Variants in NLGN1 observed in about 807,000 individuals in gnomAD.
NLGN1 encodes neuroligin-1.
NLGN1 carries 12 observed loss-of-function variants against 65.5 expected under a neutral mutation model. The ratio of observed to expected loss-of-function variants is 0.18; its 90% confidence interval spans 0.12 to 0.30. The LOEUF (loss-of-function observed/expected upper bound fraction) is 0.30, where lower values mean the gene tolerates loss of function less well. NLGN1 is among the 10% of genes least tolerant of loss of function. The pLI is 1.00. For missense variants in NLGN1, 750 were observed against 1,007.1 expected (o/e 0.74, Z 3.46); for synonymous variants, 350 against 359.5 (o/e 0.97, Z 0.30).
At chr3:174,108,070 GA>G (rs1714342789) in intron 4 of NLGN1, among the ~76,000 whole-genome samples, 1 of 151,948 alleles carries the variant, frequency 6.6e-6, no homozygotes, top group African/African-American at 2.4e-5. Flanking sequence ...GAAGTTTACA[GA>G]TTTTTCTTTC....
chr3:173,925,412 AG>A, intron 4 of NLGN1, among the ~76,000 whole-genome samples: 1 of 152,210 alleles, frequency 6.6e-6, no homozygotes, highest in African/African-American at 2.4e-5. Context: ...AAATAAGAGA[AG>A]AATATACCAC....
intron 4 of NLGN1, among the ~76,000 whole-genome samples, chr3:173,861,667 A>G (rs1432397056): frequency 1.3e-5 from 2 of 151,818 alleles, no homozygotes; most frequent in African/African-American, 2.4e-5. Flanking sequence ...ATGATTACCA[A>G]TAGAACAATT....
intron 4 of NLGN1, chr3:173,910,380 T>C (rs1203218474): frequency 6.6e-6 from 1 of 152,138 alleles, no homozygotes; most frequent in Non-Finnish European, 1.5e-5. Flanking sequence ...AATGAAACTT[T>C]TCCTACAACA....
intron 2 of NLGN1, among the ~76,000 whole-genome samples, chr3:173,440,799 T>C (rs1719028479): frequency 6.6e-6 from 1 of 152,150 alleles, no homozygotes; most frequent in South Asian, 2.1e-4. Context: ...TGACCAGTGG[T>C]TTCAATATAA....
At chr3:173,445,406 A>G (rs1720081263) in intron 2 of NLGN1, among the ~76,000 whole-genome samples, 1 of 152,212 alleles carries the variant, frequency 6.6e-6, no homozygotes, top group Non-Finnish European at 1.5e-5. Flanking sequence ...TTAAAGCTTA[A>G]GTTAATTAAA....
intron 2 of NLGN1, among the ~76,000 whole-genome samples, chr3:173,566,122 C>A (rs1265783260): frequency 2.0e-5 from 3 of 152,098 alleles, no homozygotes; most frequent in African/African-American, 7.2e-5. Context: ...TTTTATACAG[C>A]AGTACGTTAT....
chr3:174,097,675 A>G (rs1373494002), intron 4 of NLGN1, among the ~76,000 whole-genome samples: 1 of 152,188 alleles, frequency 6.6e-6, no homozygotes, highest in Non-Finnish European at 1.5e-5. Context: ...AGCTATGAAG[A>G]AAAACATAAT....
At chr3:174,073,677 T>C (rs907285514) in intron 4 of NLGN1, among the ~76,000 whole-genome samples, 2 of 152,168 alleles carry the variant, frequency 1.3e-5, no homozygotes, top group African/African-American at 2.4e-5. Context: ...AGTTCTAAAT[T>C]CGTGCTAATC....
intron 5 of NLGN1, among the ~76,000 whole-genome samples, chr3:174,277,131 GA>G (rs775039354): frequency 4.6e-5 from 7 of 151,744 alleles, no homozygotes; most frequent in Non-Finnish European, 8.8e-5. Context: ...TCTATCCCTG[GA>G]AAAAGACATC....
intron 4 of NLGN1, among the ~76,000 whole-genome samples, chr3:174,139,156 T>C (rs1721818863): frequency 6.6e-6 from 1 of 152,128 alleles, no homozygotes; most frequent in South Asian, 2.1e-4. Context: ...TAGGGTTCAT[T>C]CTCGGTGTTG....
At chr3:173,895,074 G>A (rs181413740) in intron 4 of NLGN1, among the ~76,000 whole-genome samples, 13 of 152,182 alleles carry the variant, frequency 8.5e-5, no homozygotes, top group Non-Finnish European at 1.9e-4. Flanking sequence ...TTTTGGTGCC[G>A]GGAGGGGGGG....
chr3:173,774,239 G>A (rs1046202864), intron 3 of NLGN1, among the ~76,000 whole-genome samples: 1 of 152,336 alleles, frequency 6.6e-6, no homozygotes, highest in South Asian at 2.1e-4. Flanking sequence ...GAGAGAGCCA[G>A]AGCAAGAAAT....
intron 4 of NLGN1, among the ~76,000 whole-genome samples, chr3:174,251,702 T>G (rs1261036539): frequency 6.6e-6 from 1 of 152,218 alleles, no homozygotes; most frequent in Non-Finnish European, 1.5e-5. Context: ...AAATTGCAAA[T>G]TAAGCTACTA....
chr3:173,719,490 T>C (rs767399809), intron 3 of NLGN1, among the ~76,000 whole-genome samples: 3 of 152,174 alleles, frequency 2.0e-5, no homozygotes, highest in Non-Finnish European at 4.4e-5. Flanking sequence ...ATCTCTTTAA[T>C]GGCTTATAGT....
intron 4 of NLGN1, among the ~76,000 whole-genome samples, chr3:174,239,654 T>C (rs538537245): frequency 6.6e-6 from 1 of 152,328 alleles, no homozygotes; most frequent in South Asian, 2.1e-4. Flanking sequence ...TTCATGTGTT[T>C]TAGCATGGCA....
At chr3:173,901,174 C>T (rs1359548048) in intron 4 of NLGN1, among the ~76,000 whole-genome samples, 1 of 151,800 alleles carries the variant, frequency 6.6e-6, no homozygotes, top group Non-Finnish European at 1.5e-5. Flanking sequence ...TAGTGTTTGT[C>T]ATGGAATTGA....
chr3:173,792,032 G>A (rs1385281268), intron 3 of NLGN1, among the ~76,000 whole-genome samples: 1 of 152,064 alleles, frequency 6.6e-6, no homozygotes, highest in Admixed American at 6.6e-5. Context: ...AGAGAGAAAG[G>A]GGCAGAGAAT....
At chr3:173,549,762 T>C in intron 2 of NLGN1, among the ~76,000 whole-genome samples, 1 of 152,072 alleles carries the variant, frequency 6.6e-6, no homozygotes, top group East Asian at 1.9e-4. Flanking sequence ...GCTGACAACA[T>C]TAACCCTTAG....
At chr3:173,402,089 A>G (rs528302386) in intron 1 of NLGN1, among the ~76,000 whole-genome samples, 8 of 152,304 alleles carry the variant, frequency 5.3e-5, no homozygotes, top group East Asian at 1.9e-4. Context: ...ATGCAGCTCT[A>G]TTGTTTCAAT....
Sources: gnomAD v4.1 joint callset for allele counts (sites outside exome capture counted in the v4.1 genomes callset) on GRCh38, gnomAD v4.1.1 for gene constraint, MANE v1.5 for transcripts, NCBI Gene and HGNC (gene_info 2026-07-23, HGNC 2026-07-21) for gene names.